The following SH3GLB1 variants were observed in gnomAD, a reference collection of about 807,000 sequenced individuals.
The protein encoded by SH3GLB1 is endophilin-B1.
SH3GLB1 carries 17 observed loss-of-function variants against 42.0 expected under a neutral mutation model. The ratio of observed to expected loss-of-function variants is 0.40; its 90% CI spans 0.28 to 0.61. The LOEUF (loss-of-function observed/expected upper bound fraction) is 0.61. Among genes scored for constraint, SH3GLB1 ranks in the 20% least tolerant of loss-of-function variants. The probability of loss-of-function intolerance (pLI) is 0.36; values close to 1 mark genes in which losing one functional copy is unlikely to be tolerated. For missense variants in SH3GLB1, 355 were observed against 426.3 expected (o/e 0.83, Z 1.47); for synonymous variants, 132 against 146.6 (o/e 0.90, Z 0.72).
chr1:86,707,333 G>T (rs543642953), intron 1 of SH3GLB1, among the ~76,000 whole-genome samples: 2 of 152,330 alleles, frequency 1.3e-5, no homozygotes, highest in East Asian at 1.9e-4. Flanking sequence ...TACAAAGACT[G>T]AAGTTTCAGG....
intron 2 of SH3GLB1, among the ~76,000 whole-genome samples, chr1:86,718,656 T>C (rs1654691265): frequency 6.6e-6 from 1 of 152,210 alleles, no homozygotes; most frequent in Non-Finnish European, 1.5e-5. Flanking sequence ...TGACTTAGCT[T>C]CAATTTATGC....
intron 1 of SH3GLB1, among the ~76,000 whole-genome samples, chr1:86,709,355 A>G (rs145581157): frequency 1.7e-4 from 26 of 152,374 alleles, no homozygotes; most frequent in African/African-American, 5.5e-4. Context: ...GTTAAATAAC[A>G]GTATCTTTAT....
At position 86,742,205 on chromosome 1, in the gene SH3GLB1, C is replaced by T; in HGVS notation, c.762-3C>T. 1 of 1,610,960 alleles carries T rather than the reference C, an allele frequency of 6.2e-7. No individual in the cohort carries two copies. Among genetic ancestry groups the T allele is most frequent in the South Asian group, 1.1e-5 (1 of 91,026 alleles). ...AAATAATTCGCTGCTTTCTTTTCAA[C>T]AGTTTTCCATCCAATTATCTTAGTA... On this transcript the variant is annotated splice_polypyrimidine_tract_variant and splice_region_variant and intron_variant, in intron 7 of 8. Transcript: ENST00000370558.
intron 5 of SH3GLB1, among the ~76,000 whole-genome samples, chr1:86,724,892 A>AAAAAATATATATATATATATATATATAT (rs1291454820): frequency 2.0e-5 from 2 of 99,680 alleles, no homozygotes; most frequent in Non-Finnish European, 3.7e-5. Flanking sequence ...AAAAAAAAAA[A>AAAAAATATATATATATATATATATATAT]ATATATATAT....
Position 86,719,883 on chromosome 1 carries a change from C to G in SH3GLB1, c.343+248C>G, listed in dbSNP as rs12035104. 2.1e-4 allele frequency among the ~76,000 whole-genome samples: 31 copies of G among 150,626 alleles called. 1 individual carries two copies. The East Asian group carries it at 2.4e-3, about 11-fold the overall frequency. ...TGGTGGCAGACACCTGTAGTCCCAG[C>G]TACTTGGGAGGCTGAGGCAGGAGAA... On this transcript the variant is annotated intron_variant, in intron 3 of 8. Transcript: ENST00000370558.
At chr1:86,716,004 C>T in intron 2 of SH3GLB1, 139 bp downstream of exon 2, 1 of 817,598 alleles carries the variant, frequency 1.2e-6, no homozygotes, top group African/African-American at 1.8e-5. Flanking sequence ...TTTGTGTGTG[C>T]TTTTGTGAAG....
At chr1:86,718,710 C>T (rs3766008) in intron 2 of SH3GLB1, among the ~76,000 whole-genome samples, 6,512 of 152,216 alleles carry the variant, frequency 0.043, 235 homozygotes, top group East Asian at 0.16. Flanking sequence ...TTCACTTGTC[C>T]TGAAATACCT....
intron 2 of SH3GLB1, among the ~76,000 whole-genome samples, chr1:86,719,300 G>T (rs1336871505): frequency 6.6e-6 from 1 of 151,842 alleles, no homozygotes; most frequent in African/African-American, 2.4e-5. Flanking sequence ...ATGCTTTTGT[G>T]CCAAGATATT....
At chr1:86,735,310 G>A (rs1655727932) in intron 7 of SH3GLB1, 131 bp downstream of exon 7, 2 of 561,552 alleles carry the variant, frequency 3.6e-6, no homozygotes, top group Admixed American at 3.3e-5. Context: ...TTTTTTTAAG[G>A]AAAGTAATTA....
chr1:86,739,563 C>T (rs187760928), intron 7 of SH3GLB1, among the ~76,000 whole-genome samples: 66 of 152,152 alleles, frequency 4.3e-4, no homozygotes, highest in Admixed American at 1.1e-3. Flanking sequence ...GAATTGTGAC[C>T]GTAAGAATAC....
intron 7 of SH3GLB1, among the ~76,000 whole-genome samples, chr1:86,740,043 A>G (rs1570299285): frequency 6.6e-6 from 1 of 152,026 alleles, no homozygotes; most frequent in Admixed American, 6.6e-5. Flanking sequence ...CTACTCAGGA[A>G]GCTGAGGCGA....
chr1:86,725,758 G>T (rs1655160635), intron 5 of SH3GLB1, among the ~76,000 whole-genome samples: 1 of 152,090 alleles, frequency 6.6e-6, no homozygotes. Flanking sequence ...GATTAACTTG[G>T]TATTGGATAG....
In SH3GLB1 at chr1:86,719,591, A is replaced by G. The variant is rs139332321; in HGVS notation, c.299A>G (p.Tyr100Cys). The change falls in exon 3 of 9, where the codon TAT becomes TGT. Residue 100 changes from tyrosine (Y) to cysteine (C), a missense_variant. Physicochemically the swap from Tyr to Cys is radical, Grantham distance 194. Transcript: ENST00000370558. ...RINNPELLGQYMIDAGTEFGP... is the reference protein window; with the variant it reads ...RINNPELLGQCMIDAGTEFGP... ...AACAACCCAGAACTTTTGGGACAAT[A>G]TATGATTGATGCAGGGACTGAGTTT... is the stretch of plus-strand genomic sequence containing the variant. 4.3e-6 allele frequency: 7 copies of G among 1,611,504 alleles called. No homozygotes were observed. Among genetic ancestry groups the G allele is most frequent in the African/African-American group, 2.7e-5 (2 of 74,716 alleles).
rs1558347117 is a variant in SH3GLB1, at chr1:86,744,899, C to T, written c.*1664C>T. Reference sequence around the variant, plus strand: ...TTGACTCACTCTCAATTGCCATATTCTTAAAGAAACCCTGAAAAGCTGCTC... The same window carrying T: ...TTGACTCACTCTCAATTGCCATATTTTTAAAGAAACCCTGAAAAGCTGCTC... On this transcript the variant is annotated 3_prime_UTR_variant, in exon 9 of 9. Transcript: ENST00000370558. 6.6e-6 allele frequency: 1 copy of T among 152,150 alleles called. No homozygotes were observed. 9.4% of individuals were successfully genotyped at this position (152,150 alleles called of 1,614,324 possible).
intron 1 of SH3GLB1, among the ~76,000 whole-genome samples, chr1:86,706,934 C>T (rs370771798): frequency 3.6e-4 from 55 of 152,274 alleles, no homozygotes; most frequent in African/African-American, 1.2e-3. Context: ...AAATTTTATG[C>T]TAATCTGTTA....
chr1:86,729,823 A>G lies in SH3GLB1; in HGVS notation c.571-4779A>G, dbSNP rs544659712. Among the ~76,000 whole-genome samples the G allele has an allele frequency of 2.6e-5, 4 of 152,146 alleles. No homozygotes were observed. The South Asian group carries it at 8.3e-4, about 32-fold the overall frequency. On this transcript the variant is annotated intron_variant, in intron 5 of 8. Coordinates refer to ENST00000370558, the MANE Select transcript of SH3GLB1 (RefSeq NM_016009.5). ...TTTCCAGATGAGAATACTGGAGCTA[A>G]GAAAGGTTAGGTGTTCTCAATTTGG...
intron 4 of SH3GLB1, 152 bp from the exon 5 acceptor site, chr1:86,724,161 A>T (rs1285272935): frequency 6.4e-6 from 3 of 470,942 alleles, no homozygotes; most frequent in Non-Finnish European, 1.1e-5. Context: ...GGGGGGGCAG[A>T]TACATGAATG....
intron 5 of SH3GLB1, 92 bp from the exon 6 acceptor site, chr1:86,734,510 G>C: frequency 2.2e-6 from 2 of 891,656 alleles, no homozygotes; most frequent in Non-Finnish European, 3.5e-6. Flanking sequence ...CTTGAGGTTT[G>C]TTCGGGGGAT....
chr1:86,728,090 T>C (rs972633711), intron 5 of SH3GLB1, among the ~76,000 whole-genome samples: 2 of 151,996 alleles, frequency 1.3e-5, no homozygotes, highest in African/African-American at 4.8e-5. Context: ...GGTAGGACTT[T>C]CTTAGTGAAA....
Sources: allele counts gnomAD v4.1 joint callset (sites outside exome capture counted in the v4.1 genomes callset), GRCh38; gene constraint gnomAD v4.1.1; transcripts MANE v1.5; gene names NCBI Gene and HGNC (gene_info 2026-07-23, HGNC 2026-07-21).